The following PDK3 variants were observed in gnomAD, a reference collection of about 807,000 sequenced individuals.
PDK3 encodes the protein pyruvate dehydrogenase kinase, isozyme 3.
A neutral mutation model predicts 32.0 loss-of-function variants in PDK3; 12 were observed. The ratio of observed to expected loss-of-function variants is 0.37; its 90% CI spans 0.24 to 0.61. The LOEUF is 0.61. Ranked by LOEUF, PDK3 falls within the 20% of genes least tolerant of loss-of-function variation. The pLI, the probability that PDK3 is intolerant of heterozygous loss-of-function variation, is 0.65. For synonymous variants in PDK3, 122 were observed against 116.3 expected, an observed-to-expected ratio of 1.05 and a Z score of -0.31; for missense variants, 188 against 316.9, an observed-to-expected ratio of 0.59 and a Z score of 3.09.
At chrX:24,520,720 A>G (rs1053836860) in intron 6 of PDK3, among the ~76,000 whole-genome samples, 2 of 112,338 alleles carry the variant, frequency 1.8e-5, no homozygotes, top group Non-Finnish European at 3.8e-5. Flanking sequence ...CCTATTTATA[A>G]CGTGGTTTTC....
chrX:24,526,109 A>G, intron 6 of PDK3, 89 bp from the exon 7 acceptor site: 1 of 682,037 alleles, frequency 1.5e-6, no homozygotes, highest in Non-Finnish European at 2.3e-6. Context: ...GCTCTGTTTT[A>G]CACACTTGGA....
intron 5 of PDK3, among the ~76,000 whole-genome samples, chrX:24,507,411 A>ATGTTAG (rs1420995887): frequency 2.7e-5 from 3 of 111,633 alleles, no homozygotes; most frequent in African/African-American, 9.8e-5. Flanking sequence ...TTTTCTCTTC[A>ATGTTAG]TGTTAGTTGG....
At chrX:24,495,602 T>C (rs559834009) in intron 2 of PDK3, among the ~76,000 whole-genome samples, 3 of 112,504 alleles carry the variant, frequency 2.7e-5, no homozygotes, top group South Asian at 3.7e-4. Flanking sequence ...GAGAGATGCA[T>C]AGGGCAAGGT....
At chrX:24,548,069 T>C (rs1923031702) in exon 12 of PDK3, 1 of 112,455 alleles carries the variant, frequency 8.9e-6, no homozygotes, top group South Asian at 3.6e-4. Flanking sequence ...GGGAATAGCC[T>C]TTGATAAGAA....
chrX:24,497,385 A>G (rs1288256201), intron 2 of PDK3, among the ~76,000 whole-genome samples: 1 of 111,758 alleles, frequency 8.9e-6, no homozygotes, highest in Non-Finnish European at 1.9e-5. Flanking sequence ...CCTGGGTTCA[A>G]GCGATTCTCC....
In PDK3 at chrX:24,465,647, G is replaced by A. The variant is rs780821634; in HGVS notation, c.106+86G>A. On this transcript the variant is annotated intron_variant, in intron 1 of 10. Coordinates refer to ENST00000379162, the MANE Select transcript of PDK3 (RefSeq NM_005391.5). ...CGGATCTCCGCAGCTTCGGGGTAAA[G>A]TCTGTGGGAACCGCAGGCGGGGCTA... 9 of 711,480 alleles carry A rather than the reference G, an allele frequency of 1.3e-5. No homozygotes were observed. In the South Asian group the frequency reaches 2.2e-4, roughly 18 times the overall value. The allele number at this position is 711,480 out of a possible 1,213,427, so 58.6% of individuals were successfully genotyped here.
At chrX:24,494,369 CCCT>C (rs1569221369) in intron 1 of PDK3, among the ~76,000 whole-genome samples, 41 of 112,004 alleles carry the variant, frequency 3.7e-4, no homozygotes, top group African/African-American at 1.3e-3. Context: ...TCCTGGAAAG[CCCT>C]ATGAATGGGA....
intron 10 of PDK3, 35 bp from the exon 11 acceptor site, chrX:24,533,894 T>A: frequency 4.3e-6 from 5 of 1,157,807 alleles, no homozygotes; most frequent in Non-Finnish European, 5.8e-6. Flanking sequence ...AATGACACTG[T>A]CGACCTTTGG....
At chrX:24,521,381 T>C (rs1569226304) in intron 6 of PDK3, among the ~76,000 whole-genome samples, 1 of 110,252 alleles carries the variant, frequency 9.1e-6, no homozygotes, top group Non-Finnish European at 1.9e-5. Context: ...GAGTTCAGGC[T>C]GCTGTTGAAG....
intron 3 of PDK3, 185 bp downstream of exon 3, chrX:24,499,085 A>C (rs1258271426): frequency 3.2e-6 from 1 of 317,010 alleles, no homozygotes; most frequent in East Asian, 5.2e-5. Context: ...AACACAATAC[A>C]AAAGTAATAA....
At chrX:24,537,306 T>A (rs5986601), downstream of PDK3, among the ~76,000 whole-genome samples, 1 of 73,412 alleles carries the variant, frequency 1.4e-5, no homozygotes, top group Non-Finnish European at 2.7e-5. Flanking sequence ...TTTTTTTTTG[T>A]ATTTTTAGTA....
At chrX:24,518,626 A>G (rs994094596) in intron 5 of PDK3, among the ~76,000 whole-genome samples, 6 of 112,279 alleles carry the variant, frequency 5.3e-5, no homozygotes, top group Non-Finnish European at 7.5e-5. Flanking sequence ...CGAGGCTGCA[A>G]TGAGCTATGA....
chrX:24,493,571 CAGGGAATATGGAGCAGCAAAG>C (rs1921626338), intron 1 of PDK3, among the ~76,000 whole-genome samples: 1 of 111,277 alleles, frequency 9.0e-6, no homozygotes, highest in Non-Finnish European at 1.9e-5. Flanking sequence ...GTGCAGCCTC[CAGGGAATATGGAGCAGCAAAG>C]AGGCCTAGGC....
intron 6 of PDK3, among the ~76,000 whole-genome samples, chrX:24,523,928 C>T (rs1213667224): frequency 8.9e-6 from 1 of 112,010 alleles, no homozygotes; most frequent in Non-Finnish European, 1.9e-5. Context: ...AATATTGCAA[C>T]CAAGATGGAT....
intron 3 of PDK3, among the ~76,000 whole-genome samples, chrX:24,500,862 C>T (rs1921837600): frequency 9.0e-6 from 1 of 111,715 alleles, no homozygotes; most frequent in African/African-American, 3.3e-5. Context: ...AGCATTGAGC[C>T]ATTGAGGTAA....
intron 6 of PDK3, among the ~76,000 whole-genome samples, chrX:24,525,401 C>T (rs956025556): frequency 9.0e-6 from 1 of 111,343 alleles, no homozygotes; most frequent in African/African-American, 3.3e-5. Context: ...TGCTAAGAAT[C>T]AAGCAAATGT....
intron 6 of PDK3, among the ~76,000 whole-genome samples, chrX:24,525,884 G>C (rs112223855): frequency 9.4e-4 from 105 of 112,189 alleles, no homozygotes; most frequent in African/African-American, 3.3e-3. Context: ...AGTGATATCT[G>C]ACTGGCCTTC....
chrX:24,526,756 G>C (rs1922531637), intron 7 of PDK3, among the ~76,000 whole-genome samples: 1 of 111,916 alleles, frequency 8.9e-6, no homozygotes, highest in Non-Finnish European at 1.9e-5. Flanking sequence ...GAGAGGCAGA[G>C]GAGAAAGATG....
chrX:24,465,600 G>T, intron 1 of PDK3, 39 bp downstream of exon 1: 2 of 984,468 alleles, frequency 2.0e-6, no homozygotes, highest in Non-Finnish European at 2.8e-6. Context: ...GCCCGGGGCC[G>T]CCGCCATTCG....
Sources: gnomAD v4.1 joint callset for allele counts (sites outside exome capture counted in the v4.1 genomes callset) on GRCh38, gnomAD v4.1.1 for gene constraint, MANE v1.5 for transcripts, NCBI Gene and HGNC (gene_info 2026-07-23, HGNC 2026-07-21) for gene names.